Variants in SYNE1 observed in about 807,000 individuals in gnomAD.
SYNE1 encodes the protein nesprin-1.
In SYNE1, 616 loss-of-function variants were observed where a neutral mutation model predicts 1,111.0. That is an observed-to-expected ratio of 0.55 (90% confidence interval 0.52 to 0.59). The LOEUF (loss-of-function observed/expected upper bound fraction) is 0.59, where lower values mean the gene tolerates loss of function less well. Ranked by LOEUF, SYNE1 falls within the 20% of genes least tolerant of loss-of-function variation. The pLI, the probability that SYNE1 is intolerant of heterozygous loss-of-function variation, is 0.00. For synonymous variants in SYNE1, 3,855 were observed against 3,825.8 expected (o/e 1.01, Z -0.28); for missense variants, 10,006 against 10,417.0 (o/e 0.96, Z 1.72).
intron 56 of SYNE1, among the ~76,000 whole-genome samples, 180 bp downstream of exon 56, chr6:152,380,826 A>G (rs2097399487): frequency 6.6e-6 from 1 of 152,234 alleles, no homozygotes; most frequent in Non-Finnish European, 1.5e-5. Context: ...TATTTTTACA[A>G]AAGTTTGATA....
chr6:152,500,418 C>T (rs2099023067), intron 10 of SYNE1, among the ~76,000 whole-genome samples: 1 of 152,070 alleles, frequency 6.6e-6, no homozygotes, highest in African/African-American at 2.4e-5. Flanking sequence ...TGTTTGTGCC[C>T]CAATCCTGGC....
At chr6:152,388,858 A>G (rs983863498) in intron 53 of SYNE1, among the ~76,000 whole-genome samples, 2 of 152,236 alleles carry the variant, frequency 1.3e-5, no homozygotes, top group African/African-American at 4.8e-5. Flanking sequence ...CATCTGAAAA[A>G]TATCTACCCA....
intron 10 of SYNE1, among the ~76,000 whole-genome samples, chr6:152,499,266 T>A (rs974887494): frequency 6.6e-6 from 1 of 151,962 alleles, no homozygotes; most frequent in African/African-American, 2.4e-5. Flanking sequence ...AGAAGGTGAA[T>A]GAGATAAGCC....
chr6:152,338,668 T>C (rs1354021973), intron 75 of SYNE1, among the ~76,000 whole-genome samples: 3 of 152,092 alleles, frequency 2.0e-5, no homozygotes, highest in African/African-American at 7.2e-5. Context: ...ATGTGTTTCA[T>C]GGAAGAGTTT....
intron 145 of SYNE1, chr6:152,127,566 T>C (rs1394619376): frequency 1.3e-5 from 2 of 152,182 alleles, no homozygotes; most frequent in African/African-American, 4.8e-5. Context: ...TTCAAGCATG[T>C]GATAAATTTC....
rs1326260189 is a variant in SYNE1 at position 152,526,141 on chromosome 6, T to G, written c.164A>C (p.Glu55Ala). 6.2e-7 allele frequency: 1 copy of G among 1,614,128 alleles called. No homozygotes were observed. Among genetic ancestry groups the G allele is most frequent in the East Asian group, 2.2e-5 (1 of 44,874 alleles). ...KPPMVVDDLF[E>A]DMKDGVKLLA... The stretch of plus-strand genomic sequence containing the variant: ...CAGTTTAACACCATCTTTCATGTCT[T>G]CAAAAAGATCGTCCACCACCATTGG... Residue 55 changes from glutamate (E) to alanine (A), a missense_variant, in exon 5 of 146, where the codon GAA becomes GCA. This residue lies in a region of SYNE1 where 1,971 missense variants were observed against 2,084.1 expected (regional missense o/e 0.95). Coordinates refer to ENST00000367255, the MANE Select transcript of SYNE1 (RefSeq NM_182961.4).
chr6:152,423,112 G>A (rs2098293258), intron 39 of SYNE1, among the ~76,000 whole-genome samples: 2 of 152,122 alleles, frequency 1.3e-5, no homozygotes, highest in South Asian at 2.1e-4. Context: ...CCTTTACCAT[G>A]TATTCTCTTT....
intron 98 of SYNE1, among the ~76,000 whole-genome samples, chr6:152,273,936 T>C (rs2093405359): frequency 6.6e-6 from 1 of 152,186 alleles, no homozygotes. Flanking sequence ...CCTTACTACC[T>C]GCCTCTAGCG....
At chr6:152,398,392 T>A (rs1024928228) in intron 49 of SYNE1, among the ~76,000 whole-genome samples, 1 of 152,192 alleles carries the variant, frequency 6.6e-6, no homozygotes, top group Non-Finnish European at 1.5e-5. Context: ...GAATTGTCAA[T>A]AGGCTAAAAA....
chr6:152,428,855 C>T (rs905997346), intron 36 of SYNE1, among the ~76,000 whole-genome samples: 58 of 151,982 alleles, frequency 3.8e-4, no homozygotes, highest in African/African-American at 1.3e-3. Context: ...AAATCAAAAA[C>T]GAAAATGGAG....
At chr6:152,311,702 A>C (rs893562955) in intron 87 of SYNE1, among the ~76,000 whole-genome samples, 1 of 152,234 alleles carries the variant, frequency 6.6e-6, no homozygotes, top group Non-Finnish European at 1.5e-5. Flanking sequence ...AATCTAGAAC[A>C]CACAGTTAGT....
intron 12 of SYNE1, among the ~76,000 whole-genome samples, chr6:152,486,621 A>G (rs1225698326): frequency 6.6e-6 from 1 of 152,166 alleles, no homozygotes; most frequent in Non-Finnish European, 1.5e-5. Context: ...TCTTTTCTCC[A>G]TTTACTGGCT....
At chr6:152,309,767 C>T (rs2095492435) in intron 90 of SYNE1, 68 bp downstream of exon 90, 2 of 1,595,460 alleles carry the variant, frequency 1.3e-6, no homozygotes, top group South Asian at 1.1e-5. Flanking sequence ...TGAGCCCACA[C>T]AATGCTAAGA....
intron 132 of SYNE1, 50 bp from the exon 133 acceptor site, chr6:152,155,092 G>T: frequency 6.2e-7 from 1 of 1,610,726 alleles, no homozygotes; most frequent in Non-Finnish European, 8.5e-7. Context: ...GACTGTTTTC[G>T]CTCCAGAACC....
intron 4 of SYNE1, among the ~76,000 whole-genome samples, chr6:152,536,412 AAT>A (rs1491122443): frequency 6.0e-4 from 48 of 79,868 alleles, no homozygotes; most frequent in African/African-American, 1.4e-3. Context: ...TATATATAGT[AAT>A]ATATATATTT....
intron 121 of SYNE1, among the ~76,000 whole-genome samples, chr6:152,217,274 C>T (rs2078970394): frequency 1.4e-5 from 2 of 147,518 alleles, no homozygotes; most frequent in Non-Finnish European, 3.0e-5. Flanking sequence ...ACAGTACCTG[C>T]AGTCCTAACT....
At chr6:152,624,477 C>T (rs1160044268) in intron 3 of SYNE1, among the ~76,000 whole-genome samples, 1 of 152,138 alleles carries the variant, frequency 6.6e-6, no homozygotes, top group Non-Finnish European at 1.5e-5. Flanking sequence ...CATTTATTTT[C>T]TTAGTTGTGA....
At position 152,401,204 on chromosome 6, in the gene SYNE1, T is replaced by C; in HGVS notation, c.6963A>G (p.Thr2321=). 3 of 1,614,188 alleles carry C rather than the reference T, an allele frequency of 1.9e-6. No individual in the cohort carries two copies. Among genetic ancestry groups the C allele is most frequent in the South Asian group, 1.1e-5 (1 of 91,090 alleles). ...AGTTCATCAACGATTCTTCCACTTT[T>C]GTGAACCATGTTGTTATGTCATTAA... ...KFINDITTWF[T]KVEESLMNCA... is the part of the protein sequence containing the mutation. The change falls in exon 47 of 146, where the codon ACA becomes ACG. Residue 2321 remains threonine (T), a synonymous_variant. Coordinates refer to ENST00000367255, the MANE Select transcript of SYNE1 (RefSeq NM_182961.4).
At chr6:152,282,088 G>T (rs889173632) in intron 96 of SYNE1, 108 bp from the exon 97 acceptor site, 4 of 1,199,496 alleles carry the variant, frequency 3.3e-6, no homozygotes, top group Non-Finnish European at 4.8e-6. Flanking sequence ...AGAATCACTG[G>T]TAAAACTTTT....
Sources: allele counts gnomAD v4.1 joint callset (sites outside exome capture counted in the v4.1 genomes callset), GRCh38; gene constraint gnomAD v4.1.1; regional missense constraint gnomAD v4.1.1; transcripts MANE v1.5; gene names NCBI Gene and HGNC (gene_info 2026-07-23, HGNC 2026-07-21).